INSL6: variants seen among roughly 807,000 people sequenced by gnomAD.
The protein encoded by INSL6 is insulin-like peptide INSL6.
Under a neutral mutation model 9.4 loss-of-function variants are expected in INSL6, and 16 were observed. That is an observed-to-expected ratio of 1.70 (90% CI 1.15 to 2.59). The LOEUF (loss-of-function observed/expected upper bound fraction) is 2.59. INSL6 is among the 30% of genes most tolerant of loss of function. The probability of loss-of-function intolerance (pLI) is 0.00; values close to 1 mark genes in which losing one functional copy is unlikely to be tolerated. For missense variants in INSL6, 391 were observed against 257.3 expected, an observed-to-expected ratio of 1.52 and a Z score of -3.56; for synonymous variants, 154 against 96.9, an observed-to-expected ratio of 1.59 and a Z score of -3.46.
downstream of INSL6, chr9:5,123,052 T>A: frequency 6.2e-7 from 1 of 1,611,836 alleles, no homozygotes; most frequent in Non-Finnish European, 8.5e-7. Flanking sequence ...TGGCCTCAGA[T>A]GTTTGGAGCT....
the INSL6 span, among the ~76,000 whole-genome samples, chr9:5,028,906 C>G: frequency 6.6e-6 from 1 of 152,168 alleles, no homozygotes; most frequent in Non-Finnish European, 1.5e-5. Flanking sequence ...ACCACTCAAA[C>G]TTTTGTCACA....
At chr9:5,050,689 C>T in the INSL6 span, 5 of 1,610,860 alleles carry the variant, frequency 3.1e-6, no homozygotes, top group African/African-American at 1.3e-5. Flanking sequence ...GTTTTAGTGG[C>T]GGCATGATTT....
At chr9:5,069,164 A>G in the INSL6 span, 4 of 1,611,052 alleles carry the variant, frequency 2.5e-6, no homozygotes, top group East Asian at 2.2e-5. Context: ...CGCTCAGACA[A>G]TATAATTTTC....
chr9:5,038,736 T>A, the INSL6 span, among the ~76,000 whole-genome samples: 12 of 152,206 alleles, frequency 7.9e-5, no homozygotes, highest in South Asian at 2.3e-3. Context: ...AGGTTTTGAA[T>A]TTTGGAGCAT....
chr9:5,085,226 C>G, the INSL6 span: 1 of 668,554 alleles, frequency 1.5e-6, no homozygotes, highest in South Asian at 1.4e-5. Context: ...TGCTGACAGG[C>G]AAATAGGACA....
the INSL6 span, chr9:5,080,200 A>T: frequency 4.6e-6 from 7 of 1,522,734 alleles, no homozygotes; most frequent in Non-Finnish European, 6.2e-6. Context: ...TGAATTATTT[A>T]ACCCTACTCT....
At chr9:5,070,003 A>T in the INSL6 span, 7 of 1,608,286 alleles carry the variant, frequency 4.4e-6, no homozygotes, top group South Asian at 7.7e-5. Context: ...AGGCCTACTC[A>T]TATGAACCAA....
At chr9:5,077,570 T>C in the INSL6 span, 1 of 1,484,398 alleles carries the variant, frequency 6.7e-7, no homozygotes, top group Non-Finnish European at 8.9e-7. Context: ...GCATGGGCCA[T>C]GCATTTTCTA....
chr9:5,168,852 G>A (rs1339199709), intron 1 of INSL6, among the ~76,000 whole-genome samples: 2 of 151,910 alleles, frequency 1.3e-5, no homozygotes, highest in Admixed American at 1.3e-4. Context: ...ATAAAGGGAA[G>A]CCCATCACAC....
downstream of INSL6, among the ~76,000 whole-genome samples, chr9:5,121,080 G>A (rs577045841): frequency 6.6e-6 from 1 of 152,232 alleles, no homozygotes; most frequent in African/African-American, 2.4e-5. Context: ...AGAGACCCTG[G>A]GAAACCTTCA....
chr9:5,148,449 G>C (rs905330255), intron 2 of INSL6, among the ~76,000 whole-genome samples: 8 of 152,110 alleles, frequency 5.3e-5, no homozygotes, highest in Non-Finnish European at 1.0e-4. Flanking sequence ...CATGGACTTT[G>C]GGGGAGCCAT....
chr9:5,155,965 G>C (rs1219826045), intron 2 of INSL6, among the ~76,000 whole-genome samples: 2 of 151,748 alleles, frequency 1.3e-5, no homozygotes, highest in Non-Finnish European at 2.9e-5. Flanking sequence ...ACCTCAGCTA[G>C]AATAATCAAG....
At chr9:5,016,734 G>C in the INSL6 span, among the ~76,000 whole-genome samples, 6 of 152,122 alleles carry the variant, frequency 3.9e-5, no homozygotes, top group African/African-American at 1.4e-4. Context: ...CCTCCTGCCA[G>C]TTATTCTCCA....
chr9:5,160,620 T>C (rs1824905941), downstream of INSL6, among the ~76,000 whole-genome samples: 1 of 152,064 alleles, frequency 6.6e-6, no homozygotes, highest in Non-Finnish European at 1.5e-5. Context: ...ATAAATGGAA[T>C]TGAAATGAAT....
chr9:5,103,984 A>T, the INSL6 span, among the ~76,000 whole-genome samples: 2 of 152,216 alleles, frequency 1.3e-5, no homozygotes, highest in African/African-American at 2.4e-5. Flanking sequence ...TAAAATCGAC[A>T]CCTTAACATC....
At chr9:5,042,085 C>A in the INSL6 span, 1 of 213,360 alleles carries the variant, frequency 4.7e-6, no homozygotes, top group South Asian at 6.6e-5. Flanking sequence ...ATCCCCGGGA[C>A]GAGGGGTCAC....
downstream of INSL6, among the ~76,000 whole-genome samples, chr9:5,161,848 G>A (rs1338867757): frequency 6.6e-6 from 1 of 152,112 alleles, no homozygotes; most frequent in African/African-American, 2.4e-5. Flanking sequence ...GGGAGGCCAA[G>A]GTGGGAGGAT....
chr9:5,112,905 G>A, the INSL6 span: 5 of 312,052 alleles, frequency 1.6e-5, no homozygotes, highest in Admixed American at 1.6e-4. Flanking sequence ...GCTGGGCCCA[G>A]AACGCCCACT....
the INSL6 span, among the ~76,000 whole-genome samples, chr9:5,048,756 A>G: frequency 1.3e-5 from 2 of 152,184 alleles, no homozygotes; most frequent in African/African-American, 4.8e-5. Context: ...TTTTAATAAA[A>G]TTAGTTTAAA....
Sources: allele counts gnomAD v4.1 joint callset (sites outside exome capture counted in the v4.1 genomes callset), GRCh38; gene constraint gnomAD v4.1.1; transcripts MANE v1.5; gene names NCBI Gene and HGNC (gene_info 2026-07-23, HGNC 2026-07-21).